SSH2: variants seen among roughly 807,000 people sequenced by gnomAD.
The protein encoded by SSH2 is protein phosphatase Slingshot homolog 2.
A neutral mutation model predicts 135.2 loss-of-function variants in SSH2; 37 were observed. The ratio of observed to expected loss-of-function variants is 0.27; its 90% CI spans 0.21 to 0.36. The LOEUF (loss-of-function observed/expected upper bound fraction) is 0.36. Among genes scored for constraint, SSH2 ranks in the 10% least tolerant of loss-of-function variants. SSH2 has a pLI of 1.00. For missense variants in SSH2, 1,408 were observed against 1,765.3 expected (o/e 0.80, Z 3.63); for synonymous variants, 628 against 646.2 (o/e 0.97, Z 0.43).
At chr17:29,667,288 G>T in intron 9 of SSH2, 65 bp from the exon 10 acceptor site, 2 of 1,164,860 alleles carry the variant, frequency 1.7e-6, no homozygotes, top group Non-Finnish European at 2.5e-6. Context: ...TCTTAAATGG[G>T]AAAGAAAGAA....
chr17:29,824,744 C>A (rs1389216797), intron 2 of SSH2, among the ~76,000 whole-genome samples: 1 of 152,184 alleles, frequency 6.6e-6, no homozygotes, highest in Non-Finnish European at 1.5e-5. Context: ...GTGCCTGTAG[C>A]ATAGCTGTAC....
At chr17:29,828,445 G>C (rs112545495) in intron 2 of SSH2, among the ~76,000 whole-genome samples, 1,723 of 152,254 alleles carry the variant, frequency 0.011, 32 homozygotes, top group African/African-American at 0.039. Flanking sequence ...CCTCTTCCTA[G>C]TTCCACAAAA....
At chr17:29,869,845 TG>T (rs1250476793) in intron 1 of SSH2, among the ~76,000 whole-genome samples, 1 of 150,886 alleles carries the variant, frequency 6.6e-6, no homozygotes, top group Non-Finnish European at 1.5e-5. Context: ...CAGGCCCAGT[TG>T]AAATCAGAAC....
At chr17:29,645,868 A>G (rs2036350401) in intron 14 of SSH2, 1 of 152,198 alleles carries the variant, frequency 6.6e-6, no homozygotes, top group South Asian at 2.1e-4. Flanking sequence ...CCATAATGCT[A>G]TGCTGTGGCC....
At chr17:29,671,069 A>C (rs1010070160) in intron 9 of SSH2, among the ~76,000 whole-genome samples, 15 of 152,240 alleles carry the variant, frequency 9.9e-5, no homozygotes, top group African/African-American at 3.1e-4. Flanking sequence ...TTAGGCCTTT[A>C]TCTAACTCAC....
chr17:29,908,709 A>AGCTGAAAT (rs1166023438), intron 1 of SSH2, among the ~76,000 whole-genome samples: 1 of 139,762 alleles, frequency 7.2e-6, no homozygotes, highest in Non-Finnish European at 1.5e-5. Context: ...GGTTGCAGTG[A>AGCTGAAAT]GCTGAAATCA....
chr17:29,675,642 A>T (rs919824919), intron 8 of SSH2, among the ~76,000 whole-genome samples: 18 of 150,712 alleles, frequency 1.2e-4, no homozygotes, highest in South Asian at 4.2e-4. Context: ...AAAAAAAATT[A>T]AAAAAAAAAT....
chr17:29,706,540 A>G (rs1453123623), intron 3 of SSH2, among the ~76,000 whole-genome samples: 2 of 152,234 alleles, frequency 1.3e-5, no homozygotes, highest in Non-Finnish European at 2.9e-5. Context: ...TTCCACTCAC[A>G]TTACGGGAAC....
At chr17:29,713,088 C>T (rs945048299) in intron 3 of SSH2, among the ~76,000 whole-genome samples, 2 of 152,240 alleles carry the variant, frequency 1.3e-5, no homozygotes, top group East Asian at 3.8e-4. Context: ...GTAATTCCAG[C>T]ACTTTGGGAG....
At chr17:29,646,062 C>T (rs987174359) in intron 14 of SSH2, among the ~76,000 whole-genome samples, 1 of 152,118 alleles carries the variant, frequency 6.6e-6, no homozygotes, top group African/African-American at 2.4e-5. Context: ...GTGCCTTCAC[C>T]CTAACAAAAC....
Position 29,691,742 on chromosome 17 carries a change from G to A in SSH2, c.357+3717C>T, listed in dbSNP as rs1051917392. Reference sequence around the variant, plus strand: ...CCTGAACTCGTGATCCACCCGCCTCGGCCTCCCAAAGTGCTGGGATTATAG... The same window carrying A: ...CCTGAACTCGTGATCCACCCGCCTCAGCCTCCCAAAGTGCTGGGATTATAG... On this transcript the variant is annotated intron_variant, in intron 5 of 15. Coordinates refer to ENST00000540801, the MANE Select transcript of SSH2 (RefSeq NM_001282129.2). Among the ~76,000 whole-genome samples, 17 of 151,756 alleles carry A rather than the reference G, an allele frequency of 1.1e-4. No homozygotes were observed. The South Asian group carries it at 1.5e-3, about 13-fold the overall frequency.
intron 2 of SSH2, among the ~76,000 whole-genome samples, 175 bp from the exon 3 acceptor site, chr17:29,794,112 T>G (rs534100464): frequency 6.6e-6 from 1 of 152,332 alleles, no homozygotes; most frequent in East Asian, 1.9e-4. Context: ...AGGAAGTTGA[T>G]GTCAATAGAA....
At chr17:29,901,157 A>C (rs910942537) in intron 1 of SSH2, among the ~76,000 whole-genome samples, 1 of 152,212 alleles carries the variant, frequency 6.6e-6, no homozygotes, top group African/African-American at 2.4e-5. Context: ...GAGGGATAGC[A>C]TTAGGAGATA....
At chr17:29,693,703 T>C (rs1013694881) in intron 5 of SSH2, among the ~76,000 whole-genome samples, 4 of 152,188 alleles carry the variant, frequency 2.6e-5, no homozygotes, top group Admixed American at 1.3e-4. Context: ...ATATAAAACA[T>C]TTAAAAAATT....
At chr17:29,842,432 C>A (rs543845856) in intron 2 of SSH2, among the ~76,000 whole-genome samples, 2 of 141,104 alleles carry the variant, frequency 1.4e-5, no homozygotes, top group African/African-American at 5.3e-5. Flanking sequence ...CCAGCCTGGG[C>A]GACAGAGTGA....
At chr17:29,765,893 G>A (rs189495449) in intron 3 of SSH2, among the ~76,000 whole-genome samples, 5 of 151,952 alleles carry the variant, frequency 3.3e-5, no homozygotes, top group African/African-American at 9.6e-5. Flanking sequence ...GCTGGTGGGC[G>A]CCTGTAATCT....
intron 7 of SSH2, 27 bp from the exon 8 acceptor site, chr17:29,676,912 A>T: frequency 6.3e-7 from 1 of 1,597,282 alleles, no homozygotes; most frequent in Non-Finnish European, 8.6e-7. Context: ...ACAAGACAAA[A>T]ATCCACAAAT....
At chr17:29,760,456 G>A (rs117040551) in intron 3 of SSH2, among the ~76,000 whole-genome samples, 1 of 152,266 alleles carries the variant, frequency 6.6e-6, no homozygotes, top group East Asian at 1.9e-4. Context: ...TTAACCACAA[G>A]CTTCAGCACA....
In SSH2 at chr17:29,631,373, C is replaced by G; in HGVS notation, c.3821G>C (p.Gly1274Ala). The G allele has an allele frequency of 6.2e-7, 1 of 1,614,054 alleles. No individual in the cohort carries two copies. Among genetic ancestry groups the G allele is most frequent in the Admixed American group, 1.7e-5 (1 of 60,004 alleles). ...CCTCATTTGGGATGGTTTGGTGAGCCCTGCCTGGAAAACCACTCGAGACTC... is the reference window on the plus strand; with the variant it reads ...CCTCATTTGGGATGGTTTGGTGAGCGCTGCCTGGAAAACCACTCGAGACTC... ...EIESRVVFQA[G>A]LTKPSQMRRS... Residue 1274 changes from glycine (G) to alanine (A), a missense_variant, in exon 16 of 16, where the codon GGG (glycine) becomes GCG (alanine). Around this residue, in one of 3 missense-constraint regions of SSH2, gnomAD observed 1,080 missense variants for 1,144.5 expected, o/e 0.94. Transcript: ENST00000540801.
Sources: gnomAD v4.1 joint callset for allele counts (sites outside exome capture counted in the v4.1 genomes callset) on GRCh38, gnomAD v4.1.1 for gene constraint, gnomAD v4.1.1 regional missense constraint, MANE v1.5 for transcripts, NCBI Gene and HGNC (gene_info 2026-07-23, HGNC 2026-07-21) for gene names.